B4GALT7: variants seen among roughly 807,000 people sequenced by gnomAD.
The protein encoded by B4GALT7 is UDP-Gal:beta-GlcNAc beta-1,4-galactosyltransferase 7.
In B4GALT7, 30 loss-of-function variants were observed where a neutral mutation model predicts 33.0. That is an observed-to-expected ratio of 0.91 (90% CI 0.68 to 1.23). B4GALT7 has a LOEUF of 1.23. B4GALT7 is among the 50% of genes most tolerant of loss of function. The pLI is 0.00. For missense variants in B4GALT7, 507 were observed against 450.8 expected (o/e 1.12, Z -1.13); for synonymous variants, 213 against 187.2 (o/e 1.14, Z -1.13).
intron 3 of B4GALT7, 153 bp downstream of exon 3, chr5:177,607,680 A>G: frequency 1.4e-6 from 1 of 729,624 alleles, no homozygotes; most frequent in Non-Finnish European, 2.2e-6. Flanking sequence ...TGCGAAGAGC[A>G]GGCGAGCCAG....
chr5:177,608,731 A>C lies in B4GALT7; in HGVS notation c.723+109A>C. 2 of 1,203,530 alleles carry C rather than the reference A, an allele frequency of 1.7e-6. No homozygotes were observed. Among genetic ancestry groups the C allele is most frequent in the Non-Finnish European group, 2.4e-6 (2 of 829,184 alleles). 74.6% of individuals were successfully genotyped at this position (1,203,530 alleles called of 1,614,324 possible). A position where few individuals can be genotyped will look rare whatever the true frequency, so the allele number is the denominator to read the frequency against. On this transcript the variant is annotated intron_variant, in intron 4 of 5. Coordinates refer to ENST00000029410, the MANE Select transcript of B4GALT7 (RefSeq NM_007255.3). This position sits in a 1 kb window ranked among gnomAD's most constrained non-coding sequence, Gnocchi z 4.1. Reference sequence around the variant, plus strand: ...GGGTCTGGAGATGGCCCTGATTCTGATCCCTGCCCTAACCCTGCCCTGCAT... The same window carrying C: ...GGGTCTGGAGATGGCCCTGATTCTGCTCCCTGCCCTAACCCTGCCCTGCAT...
At chr5:177,604,154 T>C (rs369813954) in intron 1 of B4GALT7, 25 bp from the exon 2 acceptor site, 120 of 1,612,936 alleles carry the variant, frequency 7.4e-5, no homozygotes, top group Non-Finnish European at 9.9e-5. Flanking sequence ...CCCGCCCTCC[T>C]GACCCTGTCC....
Position 177,608,641 on chromosome 5 carries a change from C to T in B4GALT7, c.723+19C>T, listed in dbSNP as rs374080326. The T allele has an allele frequency of 3.5e-4, 569 of 1,608,702 alleles. 1 individual carries two copies. Among genetic ancestry groups the T allele is most frequent in the Non-Finnish European group, 4.4e-4 (522 of 1,176,520 alleles). On this transcript the variant is annotated intron_variant, in intron 4 of 5. Transcript: ENST00000029410. The surrounding 1 kb of genome is among the most constrained non-coding windows in gnomAD (Gnocchi z 4.1). ...GCTCCAGGTGAGATTCCCCGGGCCC[C>T]GCCGCCACCTCAGCTGCGGTGGCTG...
chr5:177,600,167 C>A lies in B4GALT7; in HGVS notation c.-44C>A. 1.6e-6 allele frequency: 2 copies of A among 1,239,960 alleles called. No individual in the cohort carries two copies. Among genetic ancestry groups the A allele is most frequent in the Non-Finnish European group, 1.0e-6 (1 of 991,264 alleles). 76.8% of individuals were successfully genotyped at this position (1,239,960 alleles called of 1,614,324 possible). A position where few individuals can be genotyped will look rare whatever the true frequency, so the allele number is the denominator to read the frequency against. ...CGTAGGCCCGGGAGGCCGGGCCGGC[C>A]GGGCTGCGAGCGCCTGCCCCATGCG... is the stretch of plus-strand genomic sequence containing the variant. On this transcript the variant is annotated 5_prime_UTR_variant, in exon 1 of 6. Coordinates refer to ENST00000029410, the MANE Select transcript of B4GALT7 (RefSeq NM_007255.3). The surrounding 1 kb of genome is among the most constrained non-coding windows in gnomAD (Gnocchi z 4.4).
In B4GALT7 at chr5:177,604,272, G is replaced by A. The variant is rs1157044694; in HGVS notation, c.144G>A (p.Trp48Ter). Residue 48 changes from tryptophan (W) to a stop codon, truncating the protein, a stop_gained, in exon 2 of 6, where the codon TGG becomes TGA. Transcript: ENST00000029410. LOFTEE classifies it high-confidence loss of function. Reference protein sequence around the residue: ...CLSLGFFSLLWLQLSCSGDVA... With the variant: ...CLSLGFFSLL ...CGCTGGGCTTCTTCTCCCTACTCTG[G>A]CTGCAGCTCAGCTGCTCTGGGGACG... The A allele has an allele frequency of 6.2e-7, 1 of 1,613,232 alleles. No individual in the cohort carries two copies. Among genetic ancestry groups the A allele is most frequent in the Non-Finnish European group, 8.5e-7 (1 of 1,179,712 alleles).
Position 177,604,251 on chromosome 5 carries a change from G to T in B4GALT7, c.123G>T (p.Leu41=). 6.2e-7 allele frequency: 1 copy of T among 1,613,686 alleles called. No homozygotes were observed. Among genetic ancestry groups the T allele is most frequent in the South Asian group, 1.1e-5 (1 of 91,040 alleles). Residue 41 remains leucine (L), a synonymous_variant, in exon 2 of 6, where the codon CTG becomes CTT. Transcript: ENST00000029410. ...ACCTGTTCGTGGCCTGCCTCTCGCT[G>T]GGCTTCTTCTCCCTACTCTGGCTGC... ...VFHLFVACLS[L]GFFSLLWLQL... is the part of the protein sequence containing the mutation.
Position 177,609,793 on chromosome 5 carries a change from G to A in B4GALT7, c.*98G>A. The A allele has an allele frequency of 6.7e-7, 1 of 1,493,170 alleles. No individual in the cohort carries two copies. Among genetic ancestry groups the A allele is most frequent in the South Asian group, 1.2e-5 (1 of 82,368 alleles). The allele number at this position is 1,493,170 out of a possible 1,614,324, so 92.5% of individuals were successfully genotyped here. On this transcript the variant is annotated 3_prime_UTR_variant, in exon 6 of 6. Transcript: ENST00000029410. ...GGGCCCAGCTCTGACAGGATGTGGA[G>A]TGGCCAGGACCAAGACAGCAAGCTA...
Position 177,604,136 on chromosome 5 carries a change from A to C in B4GALT7, c.51-43A>C, listed in dbSNP as rs975716580. The C allele has an allele frequency of 3.1e-6, 5 of 1,611,878 alleles. No individual in the cohort carries two copies. The African/African-American group carries it at 4.0e-5, about 13-fold the overall frequency. Reference sequence around the variant, plus strand: ...CAGAGAACGGGTCTGTCACAGGGCCAGCCCTGCCCCGCCCTCCTGACCCTG... The same window carrying C: ...CAGAGAACGGGTCTGTCACAGGGCCCGCCCTGCCCCGCCCTCCTGACCCTG... On this transcript the variant is annotated intron_variant, in intron 1 of 5. Transcript: ENST00000029410.
chr5:177,603,400 G>C (rs1767893121), intron 1 of B4GALT7: 18 of 979,912 alleles, frequency 1.8e-5, no homozygotes, highest in South Asian at 4.7e-5. Context: ...TAACCAAAAG[G>C]CTGTCTCCTG....
rs1469803794 is a variant in B4GALT7, at chr5:177,608,563, T to C, written c.664T>C (p.Trp222Arg). The stretch of plus-strand genomic sequence containing the variant: ...GTGCAATGGGATGTCCAACCGCTTC[T>C]GGGGCTGGGGCCGCGAGGACGACGA... Reference protein sequence around the residue: ...RLCNGMSNRFWGWGREDDEFY... With the variant: ...RLCNGMSNRFRGWGREDDEFY... Residue 222 changes from tryptophan to arginine, a missense_variant, in exon 4 of 6, where the codon TGG (tryptophan) becomes CGG (arginine). Trp to Arg is a moderately radical substitution (Grantham distance 101). Coordinates refer to ENST00000029410, the MANE Select transcript of B4GALT7 (RefSeq NM_007255.3). This position sits in a 1 kb window ranked among gnomAD's most constrained non-coding sequence, Gnocchi z 4.1. 2.5e-6 allele frequency: 4 copies of C among 1,613,836 alleles called. No homozygotes were observed. Among genetic ancestry groups the C allele is most frequent in the African/African-American group, 1.3e-5 (1 of 74,934 alleles).
At position 177,606,039 on chromosome 5, in the gene B4GALT7, CCT is replaced by C. The variant is rs1177315249; in HGVS notation, c.414-1260_414-1259del. 1 of 152,292 alleles carries C rather than the reference CCT, an allele frequency of 6.6e-6. No individual in the cohort carries two copies. The highest frequency in any genetic ancestry group is 2.4e-5 in the African/African-American group (1 of 41,432). The allele number at this position is 152,292 out of a possible 1,614,324, so 9.4% of individuals were successfully genotyped here. Reference sequence around the variant, plus strand: ...TGGTCCTCCCTCTGCACTGGCTGGGCCTCTGTGTCTGTGGGTTCTGCTCATCT... The same window carrying C: ...TGGTCCTCCCTCTGCACTGGCTGGGCCTGTGTCTGTGGGTTCTGCTCATCT... On this transcript the variant is annotated intron_variant, in intron 2 of 5. Transcript: ENST00000029410. This position sits in a 1 kb window ranked among gnomAD's most constrained non-coding sequence, Gnocchi z 4.2.
chr5:177,606,997 C>T lies in B4GALT7; in HGVS notation c.414-305C>T, dbSNP rs1768033717. 2 of 462,254 alleles carry T rather than the reference C, an allele frequency of 4.3e-6. No individual in the cohort carries two copies. Among genetic ancestry groups the T allele is most frequent in the South Asian group, 2.1e-5 (1 of 48,734 alleles). The allele number at this position is 462,254 out of a possible 1,614,324, so 28.6% of individuals were successfully genotyped here. On this transcript the variant is annotated intron_variant, in intron 2 of 5. Transcript: ENST00000029410. The surrounding 1 kb of genome is among the most constrained non-coding windows in gnomAD (Gnocchi z 4.2). ...TCCTTGCCTGCTTTGCTTTTCCCCC[C>T]AGCACGAACCACTGCTGGCCACGCT...
Position 177,600,255 on chromosome 5 carries a change from C to T in B4GALT7, c.45C>T (p.Asp15=). 1 of 1,364,030 alleles carries T rather than the reference C, an allele frequency of 7.3e-7. No individual in the cohort carries two copies. Among genetic ancestry groups the T allele is most frequent in the South Asian group, 1.6e-5 (1 of 61,654 alleles). 84.5% of individuals were successfully genotyped at this position (1,364,030 alleles called of 1,614,324 possible). ...AAGCGGCGCAGCTGCCCTGGGAGGA[C>T]GGCAGGTGAGCGGCGGCGGTGGGCC... ...RRKAAQLPWE[D]GRSGLLSGGL... is the part of the protein sequence containing the mutation. Residue 15 remains aspartate (D), a synonymous_variant, in exon 1 of 6, where the codon GAC becomes GAT. Coordinates refer to ENST00000029410, the MANE Select transcript of B4GALT7 (RefSeq NM_007255.3). The surrounding 1 kb of genome is among the most constrained non-coding windows in gnomAD (Gnocchi z 4.4).
At chr5:177,602,205 G>A (rs931353274) in intron 1 of B4GALT7, among the ~76,000 whole-genome samples, 3 of 152,156 alleles carry the variant, frequency 2.0e-5, no homozygotes, top group African/African-American at 7.2e-5. Flanking sequence ...TAAGTCAGAA[G>A]CCCTGGGGGG....
chr5:177,604,529 T>G lies in B4GALT7; in HGVS notation c.401T>G (p.Val134Gly). 3 of 1,613,792 alleles carry G rather than the reference T, an allele frequency of 1.9e-6. No homozygotes were observed. Among genetic ancestry groups the G allele is most frequent in the Non-Finnish European group, 2.5e-6 (3 of 1,179,942 alleles). ...CACCACATCTACGTGCTCAACCAGGTGGACCACTTCAGGTAGCGCCCGCCC... is the reference window on the plus strand; with the variant it reads ...CACCACATCTACGTGCTCAACCAGGGGGACCACTTCAGGTAGCGCCCGCCC... The part of the protein sequence containing the change: ...IRHHIYVLNQ[V>G]DHFRFNRAAL... The change falls in exon 2 of 6, where the codon GTG becomes GGG. Residue 134 changes from valine (V) to glycine (G), a missense_variant. By Grantham distance (109) the Val-to-Gly change is moderately radical (BLOSUM62 -3). Transcript: ENST00000029410.
intron 2 of B4GALT7, 145 bp downstream of exon 2, chr5:177,604,686 G>A: frequency 9.1e-7 from 1 of 1,094,392 alleles, no homozygotes; most frequent in Admixed American, 2.3e-5. Context: ...CCTTTGGAGA[G>A]GGCCCTGATC....
At position 177,608,923 on chromosome 5, in the gene B4GALT7, C is replaced by T. The variant is rs145692398; in HGVS notation, c.737C>T (p.Ser246Leu). 89 of 1,613,604 alleles carry T rather than the reference C, an allele frequency of 5.5e-5. No homozygotes were observed. Among genetic ancestry groups the T allele is most frequent in the Non-Finnish European group, 6.6e-5 (78 of 1,179,978 alleles). The part of the protein sequence containing the change: ...KGAGLQLFRP[S>L]GITTGYKTFR... ...GGACCTCCCTAGCTTTTCCGCCCCT[C>T]GGGAATCACAACTGGGTACAAGACA... Residue 246 changes from serine (S) to leucine (L), a missense_variant, in exon 5 of 6, where the codon TCG becomes TTG. By Grantham distance (145) the Ser-to-Leu change is moderately radical. Coordinates refer to ENST00000029410, the MANE Select transcript of B4GALT7 (RefSeq NM_007255.3). This position sits in a 1 kb window ranked among gnomAD's most constrained non-coding sequence, Gnocchi z 4.1.
At position 177,607,408 on chromosome 5, in the gene B4GALT7, G is replaced by C. The variant is rs532945440; in HGVS notation, c.520G>C (p.Asp174His). 1 of 1,613,968 alleles carries C rather than the reference G, an allele frequency of 6.2e-7. No individual in the cohort carries two copies. The highest frequency in any genetic ancestry group is 8.5e-7 in the Non-Finnish European group (1 of 1,180,044). Residue 174 changes from aspartate to histidine, a missense_variant, in exon 3 of 6, where the codon GAC (aspartate) becomes CAC (histidine). By Grantham distance (81) the Asp-to-His change is moderately conservative. Transcript: ENST00000029410. ...VDLLPLNEEL[D>H]YGFPEAGPFH... Reference sequence around the variant, plus strand: ...CCTGCTCCCTCTCAACGAGGAGCTGGACTATGGCTTTCCTGAGGCTGGGCC... The same window carrying C: ...CCTGCTCCCTCTCAACGAGGAGCTGCACTATGGCTTTCCTGAGGCTGGGCC...
chr5:177,604,815 G>C (rs73804373), intron 2 of B4GALT7, among the ~76,000 whole-genome samples: 2,087 of 152,268 alleles, frequency 0.014, 50 homozygotes, highest in African/African-American at 0.048. Flanking sequence ...GGTGACAGTG[G>C]CTTGATGGCC....
Sources: allele counts gnomAD v4.1 joint callset (sites outside exome capture counted in the v4.1 genomes callset), GRCh38; gene constraint gnomAD v4.1.1; non-coding constraint Gnocchi (gnomAD v3.1); transcripts MANE v1.5; gene names NCBI Gene and HGNC (gene_info 2026-07-23, HGNC 2026-07-21).